The following NLRC5 variants were observed in gnomAD, a reference collection of about 807,000 sequenced individuals.
NLRC5 encodes the protein protein NLRC5.
In NLRC5, 114 loss-of-function variants were observed where a neutral mutation model predicts 206.9. The ratio of observed to expected loss-of-function variants is 0.55; its 90% CI spans 0.47 to 0.64. The LOEUF is 0.64. NLRC5 is among the 30% of genes least tolerant of loss of function. The probability of loss-of-function intolerance (pLI) is 0.00; values close to 1 mark genes in which losing one functional copy is unlikely to be tolerated. For synonymous variants in NLRC5, 952 were observed against 962.8 expected (o/e 0.99, Z 0.21); for missense variants, 2,008 against 2,305.5 (o/e 0.87, Z 2.64).
chr16:57,061,389 A>G (rs2066460103), intron 30 of NLRC5, 59 bp from the exon 31 acceptor site: 1 of 1,529,220 alleles, frequency 6.5e-7, no homozygotes, highest in Non-Finnish European at 9.0e-7. Flanking sequence ...GCTGAGATGA[A>G]GCTGAGCAGC....
In NLRC5 at chr16:57,023,341, G is replaced by A. The variant is rs574994773; in HGVS notation, c.356-444G>A. On this transcript the variant is annotated intron_variant, in intron 4 of 48. Transcript: ENST00000688547. ...TATTAAGGGAAGTGAGGAAATGTGG[G>A]TGATAAGAAATCGGGATGATAAAAC... Among the ~76,000 whole-genome samples, 37 of 152,326 alleles carry A rather than the reference G, an allele frequency of 2.4e-4. No homozygotes were observed. The Middle Eastern group carries it at 0.01, about 42-fold the overall frequency.
At chr16:57,082,351 A>C in intron 48 of NLRC5, 66 bp from the exon 49 acceptor site, 1 of 1,320,688 alleles carries the variant, frequency 7.6e-7, no homozygotes, top group Non-Finnish European at 1.1e-6. Flanking sequence ...TCAGCCTCCC[A>C]ATCTGCAGAT....
intron 19 of NLRC5, among the ~76,000 whole-genome samples, 164 bp from the exon 20 acceptor site, chr16:57,043,351 A>G (rs1481981104): frequency 6.6e-6 from 1 of 152,084 alleles, no homozygotes. Context: ...CTGTTTCCCC[A>G]TCTCCACCAT....
intron 4 of NLRC5, among the ~76,000 whole-genome samples, chr16:57,023,561 C>G (rs1180625618): frequency 6.6e-6 from 1 of 152,122 alleles, no homozygotes; most frequent in South Asian, 2.1e-4. Flanking sequence ...ACTGCCAGGC[C>G]CAGAACATCC....
At chr16:57,030,669 G>T (rs2061778230) in intron 10 of NLRC5, among the ~76,000 whole-genome samples, 1 of 151,382 alleles carries the variant, frequency 6.6e-6, no homozygotes, top group Non-Finnish European at 1.5e-5. Flanking sequence ...GATGGATGAA[G>T]GAATGAGTCA....
In NLRC5 at chr16:57,077,357, C is replaced by T. The variant is rs1220700841; in HGVS notation, c.4897C>T (p.Leu1633=). The T allele has an allele frequency of 6.2e-7, 1 of 1,614,014 alleles. No homozygotes were observed. The highest frequency in any genetic ancestry group is 1.1e-5 in the South Asian group (1 of 91,074). ...VQHLATILPG[L]PELRKIDLSG... ...GCACTTAGCTACCATCCTGCCTGGG[C>T]TGCCAGAGCTCAGGAAGATAGAGTG... Residue 1633 remains leucine, a synonymous_variant, in exon 41 of 49, where the codon CTG becomes TTG. Coordinates refer to ENST00000688547, the MANE Select transcript of NLRC5 (RefSeq NM_001384950.1).
At chr16:57,068,371 C>T (rs8045711) in intron 36 of NLRC5, among the ~76,000 whole-genome samples, 1 of 151,032 alleles carries the variant, frequency 6.6e-6, no homozygotes, top group South Asian at 2.1e-4. Flanking sequence ...GCTGAGGTTA[C>T]AGTGAGCCAA....
intron 20 of NLRC5, among the ~76,000 whole-genome samples, chr16:57,044,394 A>T (rs2063680903): frequency 6.6e-6 from 1 of 151,864 alleles, no homozygotes; most frequent in South Asian, 2.1e-4. Context: ...AGCTGATGAG[A>T]ATATAAAAGG....
intron 1 of NLRC5, among the ~76,000 whole-genome samples, chr16:57,006,413 CT>C (rs58713490): frequency 1.2e-3 from 106 of 90,822 alleles, no homozygotes; most frequent in South Asian, 0.01. Flanking sequence ...TCTTCATCCT[CT>C]TTTTTTTTTT....
At position 57,082,411 on chromosome 16, in the gene NLRC5, C is replaced by G; in HGVS notation, c.5490-6C>G. On this transcript the variant is annotated splice_polypyrimidine_tract_variant and splice_region_variant and intron_variant, in intron 48 of 48. Transcript: ENST00000688547. ...ATGAATGAGTGCCTATATCTGTGCCCCACAGCCTCTGGAATAACCCCATTC... is the reference window on the plus strand; with the variant it reads ...ATGAATGAGTGCCTATATCTGTGCCGCACAGCCTCTGGAATAACCCCATTC... The G allele has an allele frequency of 6.2e-7, 1 of 1,604,782 alleles. No individual in the cohort carries two copies. Among genetic ancestry groups the G allele is most frequent in the Non-Finnish European group, 8.5e-7 (1 of 1,172,832 alleles).
chr16:57,059,247 C>A (rs1325915348), intron 29 of NLRC5, 186 bp downstream of exon 29: 2 of 1,476,050 alleles, frequency 1.4e-6, no homozygotes, highest in Non-Finnish European at 1.8e-6. Flanking sequence ...CCCCTGATGC[C>A]CGGGTGCCAT....
chr16:57,039,738 G>T, intron 15 of NLRC5, 43 bp from the exon 16 acceptor site: 2 of 1,552,580 alleles, frequency 1.3e-6, no homozygotes, highest in Non-Finnish European at 1.8e-6. Flanking sequence ...GTAACAGGGA[G>T]CCAATAACCT....
intron 1 of NLRC5, among the ~76,000 whole-genome samples, chr16:57,015,384 T>A (rs540040170): frequency 4.6e-5 from 7 of 152,296 alleles, no homozygotes; most frequent in African/African-American, 7.2e-5. Flanking sequence ...AAACATTCAG[T>A]CCACGGCAAG....
At chr16:56,995,862 C>T (rs1325661123) in intron 1 of NLRC5, among the ~76,000 whole-genome samples, 1 of 152,208 alleles carries the variant, frequency 6.6e-6, no homozygotes, top group Non-Finnish European at 1.5e-5. Context: ...ATGGACAGGT[C>T]AGTGTTTTCC....
chr16:57,010,297 A>G lies in NLRC5; in HGVS notation c.-127-6777A>G, dbSNP rs148594549. Among the ~76,000 whole-genome samples the G allele has an allele frequency of 4.7e-3, 716 of 152,346 alleles. 5 individuals carry two copies. The highest frequency in any genetic ancestry group is 0.041 in the Middle Eastern group (12 of 294). ...TCAACTGCTTTTCCAGTAGAAATGTAGTGTCCTTATCACACATGCATAAAT... is the reference window on the plus strand; with the variant it reads ...TCAACTGCTTTTCCAGTAGAAATGTGGTGTCCTTATCACACATGCATAAAT... On this transcript the variant is annotated intron_variant, in intron 1 of 48. Transcript: ENST00000688547.
intron 1 of NLRC5, among the ~76,000 whole-genome samples, chr16:57,003,570 G>C (rs2058552219): frequency 6.6e-6 from 1 of 152,102 alleles, no homozygotes; most frequent in African/African-American, 2.4e-5. Flanking sequence ...CTTGCTCAGA[G>C]ATGCCTGGGC....
At chr16:57,042,208 G>A in intron 19 of NLRC5, 143 bp downstream of exon 19, 1 of 459,252 alleles carries the variant, frequency 2.2e-6, no homozygotes, top group Non-Finnish European at 3.8e-6. Context: ...TAAGTTCTCG[G>A]TGAAGGCTAG....
intron 1 of NLRC5, among the ~76,000 whole-genome samples, chr16:56,991,360 CTGT>C (rs1362071391): frequency 1.4e-5 from 2 of 147,358 alleles, no homozygotes; most frequent in East Asian, 4.0e-4. Context: ...ACTTCTTTTG[CTGT>C]TGTTGTTCTT....
Position 57,026,302 on chromosome 16 carries a change from C to T in NLRC5, c.1359C>T (p.Pro453=). 1.2e-6 allele frequency: 2 copies of T among 1,614,046 alleles called. No homozygotes were observed. Among genetic ancestry groups the T allele is most frequent in the Non-Finnish European group, 1.7e-6 (2 of 1,180,042 alleles). The part of the protein sequence containing the change: ...VLALSPPGHL[P]TSSLLDLGEV... Reference sequence around the variant, plus strand: ...CCCTCAGCCCCCCTGGGCACTTGCCCACCTCGTCCCTACTGGACCTGGGGG... The same window carrying T: ...CCCTCAGCCCCCCTGGGCACTTGCCTACCTCGTCCCTACTGGACCTGGGGG... Residue 453 remains proline (P), a synonymous_variant, in exon 6 of 49, where the codon CCC becomes CCT. Transcript: ENST00000688547.
Sources: allele counts gnomAD v4.1 joint callset (sites outside exome capture counted in the v4.1 genomes callset), GRCh38; gene constraint gnomAD v4.1.1; transcripts MANE v1.5; gene names NCBI Gene and HGNC (gene_info 2026-07-23, HGNC 2026-07-21).